The following SVEP1 variants were observed in gnomAD, a reference collection of about 807,000 sequenced individuals.
SVEP1 encodes the protein sushi, von Willebrand factor type A, EGF and pentraxin domain containing 1.
Under a neutral mutation model 367.3 loss-of-function variants are expected in SVEP1, and 164 were observed. The ratio of observed to expected loss-of-function variants is 0.45; its 90% CI spans 0.39 to 0.51. SVEP1 has a LOEUF of 0.51. Ranked by LOEUF, SVEP1 falls within the 20% of genes least tolerant of loss-of-function variation. SVEP1 has a pLI of 0.00. For missense variants in SVEP1, 4,117 were observed against 4,425.3 expected (o/e 0.93, Z 1.98); for synonymous variants, 1,666 against 1,611.6 (o/e 1.03, Z -0.81).
rs147033780 is a variant in SVEP1, at chr9:110,550,013, G to A, written c.623C>T (p.Ala208Val). Residue 208 changes from alanine to valine, a missense_variant, in exon 2 of 48, where the codon GCA becomes GTA. Ala to Val is a moderately conservative substitution (Grantham distance 64). Around this residue, in one of 4 missense-constraint regions of SVEP1, gnomAD observed 2,174 missense variants for 2,494.3 expected, o/e 0.87. Transcript: ENST00000374469. ...CACTCCTGAATCTCGCAGTGACGCT[G>A]CAATTGGTCTAGGGTCTCCCCCATT... is the stretch of plus-strand genomic sequence containing the variant. ...YSNGGDPRPIAASLRDSGVEI... is the reference protein window; with the variant it reads ...YSNGGDPRPIVASLRDSGVEI... 2.0e-5 allele frequency: 32 copies of A among 1,614,034 alleles called. No individual in the cohort carries two copies. The highest frequency in any genetic ancestry group is 2.5e-5 in the Non-Finnish European group (29 of 1,179,898).
At chr9:110,531,032 G>A (rs1830011985) in intron 3 of SVEP1, among the ~76,000 whole-genome samples, 1 of 151,942 alleles carries the variant, frequency 6.6e-6, no homozygotes, top group Non-Finnish European at 1.5e-5. Context: ...TTGCCACCTT[G>A]CACATCTATT....
intron 36 of SVEP1, among the ~76,000 whole-genome samples, chr9:110,416,699 C>A (rs971616662): frequency 2.6e-5 from 4 of 151,868 alleles, no homozygotes; most frequent in Non-Finnish European, 5.9e-5. Context: ...ATAAATACAC[C>A]ATAGTCATCT....
intron 37 of SVEP1, among the ~76,000 whole-genome samples, chr9:110,410,683 C>G (rs2118502415): frequency 6.6e-6 from 1 of 152,098 alleles, no homozygotes; most frequent in African/African-American, 2.4e-5. Flanking sequence ...AATTTTTTTT[C>G]CAGTCTTCAC....
intron 27 of SVEP1, among the ~76,000 whole-genome samples, chr9:110,440,821 G>A (rs1828500888): frequency 6.6e-6 from 1 of 152,138 alleles, no homozygotes; most frequent in Admixed American, 6.5e-5. Flanking sequence ...CATTCTGAGT[G>A]CTACAGCTTC....
chr9:110,454,477 A>G (rs1028341664), intron 22 of SVEP1, among the ~76,000 whole-genome samples: 1 of 152,232 alleles, frequency 6.6e-6, no homozygotes, highest in Admixed American at 6.5e-5. Context: ...AAAGGAAAAT[A>G]AATTGTTCTA....
intron 3 of SVEP1, among the ~76,000 whole-genome samples, chr9:110,522,444 G>C (rs1231107204): frequency 6.6e-6 from 1 of 152,162 alleles, no homozygotes; most frequent in South Asian, 2.1e-4. Flanking sequence ...CTGGATTGTG[G>C]GATAGGCCAG....
chr9:110,551,347 A>C (rs1830283999), intron 1 of SVEP1, among the ~76,000 whole-genome samples: 1 of 152,282 alleles, frequency 6.6e-6, no homozygotes, highest in Non-Finnish European at 1.5e-5. Context: ...GGTATTCATT[A>C]CAATTCAATA....
chr9:110,517,178 G>A (rs1829814942), intron 3 of SVEP1, among the ~76,000 whole-genome samples: 1 of 152,164 alleles, frequency 6.6e-6, no homozygotes, highest in Non-Finnish European at 1.5e-5. Context: ...TTTATTTTAT[G>A]TCCAGGCATG....
intron 5 of SVEP1, among the ~76,000 whole-genome samples, chr9:110,506,466 T>C (rs1447472855): frequency 6.6e-6 from 1 of 152,190 alleles, no homozygotes; most frequent in Non-Finnish European, 1.5e-5. Context: ...AATGATCATA[T>C]CCTTCACCTT....
At position 110,400,459 on chromosome 9, in the gene SVEP1, C is replaced by T. The variant is rs989252453; in HGVS notation, c.9822+395G>A. On this transcript the variant is annotated intron_variant, in intron 40 of 47. Transcript: ENST00000374469. ...TCAGCTCACTGAAACCTATGCCTCA[C>T]GGGTTCAAGCGATTCTCCTGCCTCA... 5.9e-5 allele frequency among the ~76,000 whole-genome samples: 9 copies of T among 151,822 alleles called. No homozygotes were observed. In the South Asian group the frequency reaches 6.2e-4, roughly 11 times the overall value.
At chr9:110,454,742 A>G (rs1480382901) in intron 22 of SVEP1, among the ~76,000 whole-genome samples, 3 of 152,216 alleles carry the variant, frequency 2.0e-5, no homozygotes, top group Admixed American at 2.0e-4. Flanking sequence ...CTCACTTAAA[A>G]TGGGAGCTAA....
chr9:110,391,208 G>T (rs1319008071), intron 40 of SVEP1, among the ~76,000 whole-genome samples: 2 of 150,772 alleles, frequency 1.3e-5, no homozygotes, highest in Admixed American at 1.3e-4. Context: ...ACTAGTTTAT[G>T]TTTCTGTGAT....
In SVEP1 at chr9:110,406,637, C is replaced by T. The variant is rs1027388415; in HGVS notation, c.8963G>A (p.Arg2988Lys). 1 of 1,613,980 alleles carries T rather than the reference C, an allele frequency of 6.2e-7. No individual in the cohort carries two copies. Among genetic ancestry groups the T allele is most frequent in the Non-Finnish European group, 8.5e-7 (1 of 1,179,898 alleles). ...GYKLHGNSSR[R>K]CLSNGSWSGS... is the part of the protein sequence containing the mutation. ...ACTCCAGGAGCCATTGGAGAGGCAC[C>T]TTCTTGATGAATTTCCATGGAGCTT... Residue 2988 changes from arginine (R) to lysine (K), a missense_variant, in exon 38 of 48, where the codon AGG becomes AAG. Arg to Lys is a conservative substitution (Grantham distance 26). Transcript: ENST00000374469.
Position 110,406,527 on chromosome 9 carries a change from C to T in SVEP1, c.9073G>A (p.Gly3025Arg), listed in dbSNP as rs73530980. The change falls in exon 38 of 48, where the codon GGA becomes AGA. Residue 3025 changes from glycine to arginine, a missense_variant. By Grantham distance (125) the Gly-to-Arg change is moderately radical. Coordinates refer to ENST00000374469, the MANE Select transcript of SVEP1 (RefSeq NM_153366.4). Reference sequence around the variant, plus strand: ...AAGCACTGAATCCGGGCTGCCTTTCCACAGTCAAAATCTGTCCCATTGACA... The same window carrying T: ...AAGCACTGAATCCGGGCTGCCTTTCTACAGTCAAAATCTGTCCCATTGACA... ...GTVNGTDFDC[G>R]KAARIQCFKG... is the part of the protein sequence containing the mutation. The T allele has an allele frequency of 3.1e-4, 498 of 1,613,684 alleles. 1 individual carries two copies. The African/African-American group carries it at 6.3e-3, about 20-fold the overall frequency.
intron 40 of SVEP1, among the ~76,000 whole-genome samples, chr9:110,390,065 G>GTA (rs1410718985): frequency 9.7e-4 from 101 of 103,874 alleles, no homozygotes; most frequent in Middle Eastern, 5.3e-3. Context: ...ATATATATAA[G>GTA]TATATATATA....
chr9:110,465,653 C>A (rs1350576541), intron 18 of SVEP1, among the ~76,000 whole-genome samples: 1 of 152,146 alleles, frequency 6.6e-6, no homozygotes. Context: ...GTGTTCCTAA[C>A]CCAGCCCGGT....
At chr9:110,435,889 G>C (rs939472010) in intron 28 of SVEP1, among the ~76,000 whole-genome samples, 4 of 152,148 alleles carry the variant, frequency 2.6e-5, no homozygotes, top group Non-Finnish European at 5.9e-5. Flanking sequence ...CTGAAACTCA[G>C]TGAGATGGAA....
intron 40 of SVEP1, among the ~76,000 whole-genome samples, chr9:110,394,538 A>T (rs1405748336): frequency 6.6e-6 from 1 of 152,218 alleles, no homozygotes; most frequent in African/African-American, 2.4e-5. Flanking sequence ...AAGGCTTCAG[A>T]TGATCAAACT....
intron 40 of SVEP1, among the ~76,000 whole-genome samples, chr9:110,393,643 C>T (rs1031097064): frequency 5.9e-5 from 9 of 152,132 alleles, no homozygotes; most frequent in African/African-American, 1.4e-4. Flanking sequence ...CCTGGAAAAT[C>T]GGGTCACTCC....
Sources: gnomAD v4.1 joint callset for allele counts (sites outside exome capture counted in the v4.1 genomes callset) on GRCh38, gnomAD v4.1.1 for gene constraint, gnomAD v4.1.1 regional missense constraint, MANE v1.5 for transcripts, NCBI Gene and HGNC (gene_info 2026-07-23, HGNC 2026-07-21) for gene names.